SPOCK3: variants seen among roughly 807,000 people sequenced by gnomAD.
The protein encoded by SPOCK3 is testican-3.
SPOCK3 carries 30 observed loss-of-function variants against 56.6 expected under a neutral mutation model. The ratio of observed to expected loss-of-function variants is 0.53; its 90% CI spans 0.40 to 0.72. The LOEUF (loss-of-function observed/expected upper bound fraction) is 0.72, where lower values mean the gene tolerates loss of function less well. SPOCK3 is among the 30% of genes least tolerant of loss of function. The pLI, the probability that SPOCK3 is intolerant of heterozygous loss-of-function variation, is 0.00. For missense variants in SPOCK3, 527 were observed against 530.0 expected (o/e 0.99, Z 0.06); for synonymous variants, 196 against 183.3 (o/e 1.07, Z -0.56).
chr4:167,224,728 C>T (rs1038794915), intron 2 of SPOCK3, among the ~76,000 whole-genome samples: 3 of 152,072 alleles, frequency 2.0e-5, no homozygotes, highest in Non-Finnish European at 4.4e-5. Context: ...CACATGATCT[C>T]AGCTCACTGC....
intron 5 of SPOCK3, among the ~76,000 whole-genome samples, chr4:166,894,583 C>T (rs923556199): frequency 2.1e-4 from 32 of 152,080 alleles, no homozygotes; most frequent in African/African-American, 7.2e-4. Flanking sequence ...TGAATTTAAG[C>T]TAACTAAGCT....
At chr4:167,070,487 CTA>C (rs1183995159) in intron 2 of SPOCK3, among the ~76,000 whole-genome samples, 1 of 151,774 alleles carries the variant, frequency 6.6e-6, no homozygotes, top group African/African-American at 2.4e-5. Context: ...GGGAAATTTT[CTA>C]TGATTTCTGT....
intron 6 of SPOCK3, among the ~76,000 whole-genome samples, chr4:166,848,863 G>A (rs1748376868): frequency 6.6e-6 from 1 of 152,076 alleles, no homozygotes; most frequent in South Asian, 2.1e-4. Context: ...TACCCTTTCT[G>A]TACTATCACA....
At chr4:167,216,441 G>A (rs1735368368) in intron 2 of SPOCK3, among the ~76,000 whole-genome samples, 1 of 152,100 alleles carries the variant, frequency 6.6e-6, no homozygotes, top group Admixed American at 6.6e-5. Context: ...CTGAAAACAT[G>A]AAGGTTATCT....
intron 4 of SPOCK3, among the ~76,000 whole-genome samples, chr4:166,928,139 T>C (rs1440212139): frequency 6.6e-6 from 1 of 152,166 alleles, no homozygotes; most frequent in Admixed American, 6.5e-5. Flanking sequence ...GAATGCAAAA[T>C]GATACAGCAA....
intron 2 of SPOCK3, among the ~76,000 whole-genome samples, chr4:167,172,954 ATCC>A (rs1730640101): frequency 6.6e-6 from 1 of 152,154 alleles, no homozygotes; most frequent in South Asian, 2.1e-4. Flanking sequence ...ACAGAAATAA[ATCC>A]TCCTCTTATT....
chr4:166,893,833 AT>A (rs1234714498), intron 5 of SPOCK3, among the ~76,000 whole-genome samples: 7 of 152,146 alleles, frequency 4.6e-5, no homozygotes, highest in Admixed American at 4.6e-4. Context: ...TATCAAAGAC[AT>A]GCTTTGAACT....
At chr4:166,879,505 T>TA (rs926970740) in intron 6 of SPOCK3, among the ~76,000 whole-genome samples, 28 of 151,874 alleles carry the variant, frequency 1.8e-4, no homozygotes, top group Admixed American at 1.3e-3. Context: ...ACTTTGTCTC[T>TA]AAAAAAAAGT....
Position 166,737,604 on chromosome 4 carries a change from C to G in SPOCK3, c.995G>C (p.Gly332Ala). Residue 332 changes from glycine to alanine, a missense_variant and splice_region_variant, in exon 10 of 11, where the codon GGA becomes GCA. Coordinates refer to ENST00000357545, the MANE Select transcript of SPOCK3 (RefSeq NM_001040159.2). ...TTCATCACACAGGGGGATATACTGT[C>G]CTGTTGAAACAACACACAGGCATAC... ...QKRQGVKKLLGQYIPLCDEDG... is the reference protein window; with the variant it reads ...QKRQGVKKLLAQYIPLCDEDG... 1.2e-6 allele frequency: 2 copies of G among 1,606,592 alleles called. No homozygotes were observed. The highest frequency in any genetic ancestry group is 1.7e-6 in the Non-Finnish European group (2 of 1,176,950).
At position 166,912,635 on chromosome 4, in the gene SPOCK3, A is replaced by T; in HGVS notation, c.459T>A (p.His153Gln). Residue 153 changes from histidine (H) to glutamine (Q), a missense_variant, in exon 5 of 11, where the codon CAT (histidine) becomes CAA (glutamine). Transcript: ENST00000357545. The part of the protein sequence containing the change: ...YPSPVCGSDG[H>Q]TYSFQCKLEY... ...GTGTCTTTACCTGAAAAGAGTAGGT[A>T]TGACCATCTGAACCACAAACAGGGC... 6.2e-7 allele frequency: 1 copy of T among 1,613,700 alleles called. No homozygotes were observed. The highest frequency in any genetic ancestry group is 1.1e-5 in the South Asian group (1 of 91,064).
chr4:167,215,761 C>A (rs1225570167), intron 2 of SPOCK3, among the ~76,000 whole-genome samples: 1 of 152,090 alleles, frequency 6.6e-6, no homozygotes, highest in Non-Finnish European at 1.5e-5. Flanking sequence ...ACCTGTCTAT[C>A]ATCAGGAACA....
At chr4:167,162,778 T>C in intron 2 of SPOCK3, among the ~76,000 whole-genome samples, 1 of 152,068 alleles carries the variant, frequency 6.6e-6, no homozygotes, top group East Asian at 1.9e-4. Flanking sequence ...TTTTTTTATA[T>C]GATTTTAAAT....
intron 6 of SPOCK3, among the ~76,000 whole-genome samples, chr4:166,842,726 C>T (rs1413471589): frequency 6.6e-6 from 1 of 152,220 alleles, no homozygotes; most frequent in African/African-American, 2.4e-5. Flanking sequence ...TGTGGCTAGA[C>T]ATAAAAGTTC....
At chr4:167,028,721 T>C (rs1262747140) in intron 3 of SPOCK3, among the ~76,000 whole-genome samples, 1 of 152,060 alleles carries the variant, frequency 6.6e-6, no homozygotes, top group Non-Finnish European at 1.5e-5. Context: ...CCCAACAAAA[T>C]TTTGACATTC....
intron 2 of SPOCK3, among the ~76,000 whole-genome samples, chr4:167,200,389 C>T (rs115701052): frequency 1.3e-5 from 2 of 151,940 alleles, no homozygotes; most frequent in Non-Finnish European, 2.9e-5. Flanking sequence ...TTAAGGATGG[C>T]ACATTAGATT....
intron 2 of SPOCK3, among the ~76,000 whole-genome samples, chr4:167,147,046 A>T (rs1339401708): frequency 6.6e-6 from 1 of 152,174 alleles, no homozygotes; most frequent in African/African-American, 2.4e-5. Flanking sequence ...GAGATCAAAA[A>T]AATTGATAGA....
chr4:166,920,132 A>T (rs182871807), intron 4 of SPOCK3, among the ~76,000 whole-genome samples: 22 of 152,216 alleles, frequency 1.4e-4, no homozygotes, highest in African/African-American at 5.1e-4. Context: ...TATCCTTTCC[A>T]CTGGGCCATT....
intron 6 of SPOCK3, among the ~76,000 whole-genome samples, chr4:166,794,801 C>T (rs556704042): frequency 1.1e-4 from 16 of 151,956 alleles, no homozygotes; most frequent in African/African-American, 3.1e-4. Flanking sequence ...CGCCACCAGG[C>T]CCAGCTAATT....
chr4:166,899,677 C>T (rs369549154), intron 5 of SPOCK3, among the ~76,000 whole-genome samples: 40 of 151,858 alleles, frequency 2.6e-4, no homozygotes, highest in East Asian at 2.3e-3. Flanking sequence ...CCACCATGCC[C>T]GTCTAATTTT....
Sources: gnomAD v4.1 joint callset for allele counts (sites outside exome capture counted in the v4.1 genomes callset) on GRCh38, gnomAD v4.1.1 for gene constraint, MANE v1.5 for transcripts, NCBI Gene and HGNC (gene_info 2026-07-23, HGNC 2026-07-21) for gene names.